The following ETS1 variants were observed in gnomAD, a reference collection of about 807,000 sequenced individuals.
ETS1 encodes ETS proto-oncogene 1, transcription factor, also known as protein C-ets-1.
ETS1 carries 15 observed loss-of-function variants against 58.6 expected under a neutral mutation model. That is an observed-to-expected ratio of 0.26 (90% confidence interval 0.17 to 0.39). The LOEUF is 0.39. Among genes scored for constraint, ETS1 ranks in the 10% least tolerant of loss-of-function variants. The pLI, the probability that ETS1 is intolerant of heterozygous loss-of-function variation, is 1.00. For missense variants in ETS1, 417 were observed against 610.5 expected, an observed-to-expected ratio of 0.68 and a Z score of 3.34; for synonymous variants, 214 against 218.2, an observed-to-expected ratio of 0.98 and a Z score of 0.17.
At chr11:128,537,263 A>G (rs1406765766) in intron 3 of ETS1, among the ~76,000 whole-genome samples, 3 of 152,124 alleles carry the variant, frequency 2.0e-5, no homozygotes, top group Admixed American at 6.6e-5. Context: ...TTTTATCACT[A>G]TGTACCATAA....
intron 3 of ETS1, among the ~76,000 whole-genome samples, chr11:128,504,116 A>T (rs1863163467): frequency 6.6e-6 from 1 of 152,248 alleles, no homozygotes; most frequent in Non-Finnish European, 1.5e-5. Context: ...GGAGGGGCCT[A>T]GAGAGATAAG....
intron 3 of ETS1, among the ~76,000 whole-genome samples, chr11:128,490,927 C>T (rs1862781640): frequency 4.0e-5 from 6 of 151,866 alleles, no homozygotes; most frequent in Admixed American, 3.3e-4. Context: ...ACCATGTTGG[C>T]CAGGCTGGTC....
intron 3 of ETS1, chr11:128,522,546 G>C (rs796333302): frequency 6.4e-5 from 12 of 187,672 alleles, no homozygotes; most frequent in African/African-American, 2.8e-4. Context: ...GCGCGGGGCC[G>C]GGCCGCGACC....
Position 128,494,596 on chromosome 11 carries a change from C to T in ETS1, c.215-4020G>A, listed in dbSNP as rs557792457. Among the ~76,000 whole-genome samples the T allele has an allele frequency of 2.3e-4, 35 of 152,316 alleles. No individual in the cohort carries two copies. In the East Asian group the frequency reaches 6.2e-3, roughly 27 times the overall value. On this transcript the variant is annotated intron_variant, in intron 3 of 9. Coordinates refer to ENST00000392668, the MANE Select transcript of ETS1 (RefSeq NM_001143820.2). The stretch of plus-strand genomic sequence containing the variant: ...GGTTTCCATTCACTTACATGTAACT[C>T]AAAGTTAAGGGCTGTTCAGTTTCCA...
chr11:128,523,670 A>C (rs972891304), intron 3 of ETS1, among the ~76,000 whole-genome samples: 7 of 152,252 alleles, frequency 4.6e-5, no homozygotes, highest in African/African-American at 1.7e-4. Context: ...AGCCAGGAAC[A>C]GAAAAATCTG....
Position 128,462,367 on chromosome 11 carries a change from G to A in ETS1, c.1452C>T (p.Asp484=), listed in dbSNP as rs34846069. The change falls in exon 10 of 10, where the codon GAC becomes GAT. Residue 484 remains aspartate, a synonymous_variant. Transcript: ENST00000392668. ...HAMLDVKPDA[D]E is the part of the protein sequence containing the mutation. ...CCCAGCCCCTTCAGTGCCATCACTCGTCGGCATCTGGCTTGACGTCCAGCA... is the reference window on the plus strand; with the variant it reads ...CCCAGCCCCTTCAGTGCCATCACTCATCGGCATCTGGCTTGACGTCCAGCA... The A allele has an allele frequency of 0.018, 29,445 of 1,611,628 alleles. 359 individuals carry two copies. Among genetic ancestry groups the A allele is most frequent in the South Asian group, 0.025 (2,248 of 91,054 alleles).
intron 8 of ETS1, among the ~76,000 whole-genome samples, chr11:128,476,558 T>A (rs1296553040): frequency 6.6e-6 from 1 of 152,172 alleles, no homozygotes; most frequent in Non-Finnish European, 1.5e-5. Context: ...ACTAGAGGGG[T>A]TGAGAGGAAG....
chr11:128,513,698 G>A (rs1049028423), intron 3 of ETS1, among the ~76,000 whole-genome samples: 2 of 152,114 alleles, frequency 1.3e-5, no homozygotes, highest in African/African-American at 2.4e-5. Flanking sequence ...TACAAAAGTC[G>A]GTTACATGGA....
intron 2 of ETS1, among the ~76,000 whole-genome samples, chr11:128,568,123 G>T (rs766405617): frequency 1.3e-5 from 2 of 152,190 alleles, no homozygotes; most frequent in African/African-American, 4.8e-5. Context: ...ATCTCCCAAA[G>T]TCTGTGGCTC....
At chr11:128,522,203 T>C in intron 3 of ETS1, 7 of 1,234,092 alleles carry the variant, frequency 5.7e-6, no homozygotes, top group Non-Finnish European at 7.1e-6. Flanking sequence ...TGCGGCGAAG[T>C]GAGCGCGCTC....
At chr11:128,512,797 G>T (rs12293853) in intron 3 of ETS1, among the ~76,000 whole-genome samples, 3,690 of 152,370 alleles carry the variant, frequency 0.024, 154 homozygotes, top group African/African-American at 0.084. Context: ...GCATTCTCAA[G>T]GCAGGAGGGA....
intron 9 of ETS1, among the ~76,000 whole-genome samples, chr11:128,462,865 C>T (rs1358224588): frequency 6.6e-6 from 1 of 152,176 alleles, no homozygotes; most frequent in African/African-American, 2.4e-5. Flanking sequence ...AAACAAAAAG[C>T]CACACTATAC....
intron 3 of ETS1, among the ~76,000 whole-genome samples, chr11:128,502,991 T>G (rs1863130890): frequency 6.6e-6 from 1 of 152,092 alleles, no homozygotes; most frequent in Admixed American, 6.5e-5. Flanking sequence ...CTTATAGCCT[T>G]AAGAATCCCA....
intron 4 of ETS1, 119 bp from the exon 5 acceptor site, chr11:128,489,609 G>A: frequency 3.9e-6 from 3 of 774,404 alleles, no homozygotes; most frequent in East Asian, 2.6e-5. Flanking sequence ...TTCATCGAAT[G>A]AGGAAGCATC....
At chr11:128,522,251 G>A in intron 3 of ETS1, 4 of 1,182,728 alleles carry the variant, frequency 3.4e-6, no homozygotes, top group African/African-American at 1.6e-5. Flanking sequence ...CGCTCCTCCT[G>A]CCCGGCCCTC....
intron 1 of ETS1, among the ~76,000 whole-genome samples, chr11:128,579,934 G>A (rs986669615): frequency 6.6e-6 from 1 of 151,930 alleles, no homozygotes. Context: ...CCCTCCATGG[G>A]ATTTACTGTA....
At chr11:128,569,592 T>A (rs1009199956) in intron 2 of ETS1, among the ~76,000 whole-genome samples, 1 of 152,012 alleles carries the variant, frequency 6.6e-6, no homozygotes, top group African/African-American at 2.4e-5. Context: ...TGTCCTAAGG[T>A]TATATTTTGT....
At chr11:128,582,885 A>G (rs975793027) in intron 1 of ETS1, among the ~76,000 whole-genome samples, 1 of 152,036 alleles carries the variant, frequency 6.6e-6, no homozygotes, top group Non-Finnish European at 1.5e-5. Context: ...CGCTTTAGCA[A>G]CTAGATACAA....
intron 3 of ETS1, among the ~76,000 whole-genome samples, chr11:128,499,381 A>G (rs4937340): frequency 0.29 from 44,596 of 151,886 alleles, 7,001 homozygotes; most frequent in African/African-American, 0.39. Context: ...TTTAGAAAGC[A>G]TTTTCTTGAA....
Sources: gnomAD v4.1 joint callset for allele counts (sites outside exome capture counted in the v4.1 genomes callset) on GRCh38, gnomAD v4.1.1 for gene constraint, MANE v1.5 for transcripts, NCBI Gene and HGNC (gene_info 2026-07-23, HGNC 2026-07-21) for gene names.